ARHGAP20: variants seen among roughly 807,000 people sequenced by gnomAD.
The protein encoded by ARHGAP20 is rho GTPase-activating protein 20.
In ARHGAP20, 34 loss-of-function variants were observed where a neutral mutation model predicts 73.7. The ratio of observed to expected loss-of-function variants is 0.46; its 90% CI spans 0.35 to 0.61. The LOEUF is 0.61. ARHGAP20 is among the 20% of genes least tolerant of loss of function. The probability of loss-of-function intolerance (pLI) is 0.00; values close to 1 mark genes in which losing one functional copy is unlikely to be tolerated. For missense variants in ARHGAP20, 1,314 were observed against 1,420.9 expected, an observed-to-expected ratio of 0.92 and a Z score of 1.21; for synonymous variants, 523 against 518.2, an observed-to-expected ratio of 1.01 and a Z score of -0.13.
intron 2 of ARHGAP20, among the ~76,000 whole-genome samples, chr11:110,654,670 C>T (rs112471757): frequency 3.3e-4 from 50 of 152,266 alleles, no homozygotes; most frequent in South Asian, 1.7e-3. Context: ...GTTGGTAGAA[C>T]GAGCAAACAC....
rs1491167817 is a variant in ARHGAP20 at position 110,584,964 on chromosome 11, AAT to A, written c.1416-1229_1416-1228del. Among the ~76,000 whole-genome samples the A allele has an allele frequency of 3.6e-3, 242 of 66,526 alleles. 1 individual carries two copies. Among genetic ancestry groups the A allele is most frequent in the African/African-American group, 8.2e-3 (208 of 25,246 alleles). The allele number at this position is 66,526 out of a possible 152,430, so 43.6% of individuals were successfully genotyped here. A position where few individuals can be genotyped will look rare whatever the true frequency, so the allele number is the denominator to read the frequency against. ...GTATATGAATATATGAATATATGTG[AAT>A]ATATGAATATATATGTGAAAATATA... On this transcript the variant is annotated intron_variant, in intron 12 of 14. Coordinates refer to ENST00000683387, the MANE Select transcript of ARHGAP20 (RefSeq NM_001384657.1).
In ARHGAP20 at chr11:110,712,281, T is replaced by C. The variant is rs761681654; in HGVS notation, c.-50A>G. The C allele has an allele frequency of 4.8e-6, 6 of 1,258,328 alleles. No individual in the cohort carries two copies. The highest frequency in any genetic ancestry group is 6.1e-6 in the Non-Finnish European group (6 of 990,192). 77.9% of individuals were successfully genotyped at this position (1,258,328 alleles called of 1,614,324 possible). A position where few individuals can be genotyped will look rare whatever the true frequency, so the allele number is the denominator to read the frequency against. On this transcript the variant is annotated 5_prime_UTR_variant, in exon 1 of 15. An upstream start codon of the reference 5' UTR is lost. Transcript: ENST00000683387. ...AGCCCAGGAGGAGGCTACACGATCA[T>C]GTCCGCGGGCTGCCGGCCGGAGGGG...
chr11:110,649,769 G>T (rs1435378019), intron 2 of ARHGAP20, among the ~76,000 whole-genome samples: 1 of 152,112 alleles, frequency 6.6e-6, no homozygotes, highest in Non-Finnish European at 1.5e-5. Flanking sequence ...GTTTCCTGAA[G>T]CTCAAAACAA....
At position 110,712,187 on chromosome 11, in the gene ARHGAP20, C is replaced by A. The variant is rs769362803; in HGVS notation, c.45G>T (p.Pro15=). 11 of 1,360,986 alleles carry A rather than the reference C, an allele frequency of 8.1e-6. No homozygotes were observed. The highest frequency in any genetic ancestry group is 2.3e-5 in the South Asian group (1 of 43,580). 84.3% of individuals were successfully genotyped at this position (1,360,986 alleles called of 1,614,324 possible). ...SPQQETLGGQ[P]GRSSSLTGVS... is the part of the protein sequence containing the mutation. ...CTCCTGTCAGGGAAGAGGAGCGCCC[C>A]GGCTGTCCCCCTAGAGTCTCCTGCT... is the stretch of plus-strand genomic sequence containing the variant. The change falls in exon 1 of 15, where the codon CCG becomes CCT. Residue 15 remains proline (P), a synonymous_variant. Transcript: ENST00000683387.
At chr11:110,601,217 C>A (rs910534175) in intron 9 of ARHGAP20, among the ~76,000 whole-genome samples, 4 of 152,124 alleles carry the variant, frequency 2.6e-5, no homozygotes, top group African/African-American at 9.7e-5. Context: ...ATACAGGCCA[C>A]AAACAAGTGT....
Position 110,578,734 on chromosome 11 carries a change from T to C in ARHGAP20, c.*636A>G. The C allele has an allele frequency of 2.0e-6, 2 of 985,422 alleles. No homozygotes were observed. Among genetic ancestry groups the C allele is most frequent in the Non-Finnish European group, 2.4e-6 (2 of 829,916 alleles). 61.0% of individuals were successfully genotyped at this position (985,422 alleles called of 1,614,324 possible). On this transcript the variant is annotated 3_prime_UTR_variant, in exon 15 of 15. Coordinates refer to ENST00000683387, the MANE Select transcript of ARHGAP20 (RefSeq NM_001384657.1). ...AATACAACCAACAAAACTGATATCA[T>C]GGTACCCATGGCTTTTGAGTCACTC...
At chr11:110,587,034 C>CT (rs986873908) in intron 11 of ARHGAP20, among the ~76,000 whole-genome samples, 1 of 152,172 alleles carries the variant, frequency 6.6e-6, no homozygotes, top group Non-Finnish European at 1.5e-5. Flanking sequence ...CTAGGAGACC[C>CT]TATTCTACTG....
At chr11:110,681,351 G>A (rs1950033099) in intron 2 of ARHGAP20, among the ~76,000 whole-genome samples, 3 of 152,012 alleles carry the variant, frequency 2.0e-5, no homozygotes. Flanking sequence ...AAAAAGTCTG[G>A]TAACTTCTCT....
chr11:110,590,210 G>A (rs1322436157), intron 11 of ARHGAP20, among the ~76,000 whole-genome samples: 2 of 151,368 alleles, frequency 1.3e-5, no homozygotes, highest in African/African-American at 2.4e-5. Flanking sequence ...TCAATTGTGA[G>A]CCAAATGTTT....
intron 4 of ARHGAP20, among the ~76,000 whole-genome samples, chr11:110,623,867 T>C (rs1350187448): frequency 6.6e-6 from 1 of 151,160 alleles, no homozygotes; most frequent in African/African-American, 2.4e-5. Flanking sequence ...GTTGTTGTTG[T>C]TTTCACAAAA....
intron 2 of ARHGAP20, among the ~76,000 whole-genome samples, chr11:110,661,533 TA>T (rs1250593023): frequency 6.6e-6 from 1 of 152,142 alleles, no homozygotes; most frequent in Non-Finnish European, 1.5e-5. Context: ...AAAAAACTGA[TA>T]TAGTAAAAAA....
chr11:110,667,773 T>C (rs956666542), intron 2 of ARHGAP20, among the ~76,000 whole-genome samples: 1 of 152,164 alleles, frequency 6.6e-6, no homozygotes, highest in Admixed American at 6.6e-5. Flanking sequence ...TTGGAAGAAG[T>C]TGATTCCAAC....
At chr11:110,676,297 T>G (rs1476873466) in intron 2 of ARHGAP20, among the ~76,000 whole-genome samples, 4 of 152,190 alleles carry the variant, frequency 2.6e-5, no homozygotes, top group Admixed American at 1.3e-4. Flanking sequence ...TCTGTTCTCA[T>G]GTTGCTAATA....
At chr11:110,629,032 G>A (rs914333057) in intron 3 of ARHGAP20, among the ~76,000 whole-genome samples, 4 of 151,978 alleles carry the variant, frequency 2.6e-5, no homozygotes, top group Non-Finnish European at 5.9e-5. Context: ...ACTGCTAAGG[G>A]GAAAAATATC....
Position 110,578,830 on chromosome 11 carries a change from A to G in ARHGAP20, c.*540T>C. 1.0e-6 allele frequency: 1 copy of G among 985,932 alleles called. No individual in the cohort carries two copies. Among genetic ancestry groups the G allele is most frequent in the South Asian group, 4.7e-5 (1 of 21,294 alleles). The allele number at this position is 985,932 out of a possible 1,614,324, so 61.1% of individuals were successfully genotyped here. A position where few individuals can be genotyped will look rare whatever the true frequency, so the allele number is the denominator to read the frequency against. ...GATTCTGTAAGGACACGTGATTAGT[A>G]AGATCCCACAAAAATGGCCACTGGC... On this transcript the variant is annotated 3_prime_UTR_variant, in exon 15 of 15. Transcript: ENST00000683387.
intron 2 of ARHGAP20, among the ~76,000 whole-genome samples, chr11:110,649,986 C>T (rs993383585): frequency 6.6e-6 from 1 of 152,108 alleles, no homozygotes; most frequent in African/African-American, 2.4e-5. Flanking sequence ...TGATCTTTCT[C>T]CTCTCTGAGC....
chr11:110,642,468 C>T (rs891098533), intron 2 of ARHGAP20, among the ~76,000 whole-genome samples: 1 of 151,926 alleles, frequency 6.6e-6, no homozygotes, highest in Non-Finnish European at 1.5e-5. Context: ...TCCTTTGATA[C>T]CGAGCTTGTT....
chr11:110,578,151 A>G lies in ARHGAP20; in HGVS notation c.*1219T>C. The G allele has an allele frequency of 6.1e-6, 6 of 985,450 alleles. No homozygotes were observed. Among genetic ancestry groups the G allele is most frequent in the Non-Finnish European group, 7.2e-6 (6 of 829,940 alleles). The allele number at this position is 985,450 out of a possible 1,614,324, so 61.0% of individuals were successfully genotyped here. On this transcript the variant is annotated 3_prime_UTR_variant, in exon 15 of 15. Coordinates refer to ENST00000683387, the MANE Select transcript of ARHGAP20 (RefSeq NM_001384657.1). The stretch of plus-strand genomic sequence containing the variant: ...CAACCTTTAAGTCAAGAAAGCAGAG[A>G]AAGAAAGGTCCATGGATATAAAATA...
rs2135171294 is a variant in ARHGAP20, at chr11:110,712,434, G to C, written c.-203C>G. Reference sequence around the variant, plus strand: ...GCTCGACACCGCGGGCTGGAGGCGAGTGCAGCGGCGACAGCCCGTCAGCGC... The same window carrying C: ...GCTCGACACCGCGGGCTGGAGGCGACTGCAGCGGCGACAGCCCGTCAGCGC... On this transcript the variant is annotated 5_prime_UTR_variant, in exon 1 of 15. Coordinates refer to ENST00000683387, the MANE Select transcript of ARHGAP20 (RefSeq NM_001384657.1). 8.0e-6 allele frequency: 2 copies of C among 250,862 alleles called. No homozygotes were observed. Among genetic ancestry groups the C allele is most frequent in the East Asian group, 1.6e-4 (2 of 12,634 alleles). The allele number at this position is 250,862 out of a possible 1,614,324, so 15.5% of individuals were successfully genotyped here.
Sources: allele counts gnomAD v4.1 joint callset (sites outside exome capture counted in the v4.1 genomes callset), GRCh38; gene constraint gnomAD v4.1.1; transcripts MANE v1.5; gene names NCBI Gene and HGNC (gene_info 2026-07-23, HGNC 2026-07-21).